The following FBXL5 variants were observed in gnomAD, a reference collection of about 807,000 sequenced individuals.
FBXL5 encodes the protein F-box and leucine rich repeat protein 5, also known as F-box/LRR-repeat protein 5.
In FBXL5, 26 loss-of-function variants were observed where a neutral mutation model predicts 78.3. The ratio of observed to expected loss-of-function variants is 0.33; its 90% CI spans 0.24 to 0.46. The LOEUF (loss-of-function observed/expected upper bound fraction) is 0.46, where lower values mean the gene tolerates loss of function less well. FBXL5 is among the 20% of genes least tolerant of loss of function. The pLI is 1.00. For missense variants in FBXL5, 710 were observed against 829.2 expected (o/e 0.86, Z 1.77); for synonymous variants, 295 against 282.5 (o/e 1.04, Z -0.45).
At chr4:15,637,611 T>C (rs1714422987) in intron 4 of FBXL5, among the ~76,000 whole-genome samples, 3 of 152,282 alleles carry the variant, frequency 2.0e-5, no homozygotes, top group African/African-American at 7.2e-5. Flanking sequence ...TGTGATGCTT[T>C]TAAATCCCAT....
intron 1 of FBXL5, among the ~76,000 whole-genome samples, chr4:15,648,426 G>C (rs1715594106): frequency 1.3e-5 from 2 of 152,158 alleles, no homozygotes; most frequent in Non-Finnish European, 2.9e-5. Context: ...AGAGATATCT[G>C]CACTCCCATG....
intron 1 of FBXL5, among the ~76,000 whole-genome samples, chr4:15,670,315 C>T (rs1025416036): frequency 6.6e-6 from 1 of 152,160 alleles, no homozygotes; most frequent in Non-Finnish European, 1.5e-5. Flanking sequence ...ATGATAGATA[C>T]GTTTAACTTT....
At chr4:15,610,947 A>C (rs1459115829) in intron 10 of FBXL5, among the ~76,000 whole-genome samples, 1 of 152,132 alleles carries the variant, frequency 6.6e-6, no homozygotes, top group Non-Finnish European at 1.5e-5. Flanking sequence ...ATGTTAACAA[A>C]ACTCCGTTCT....
At chr4:15,631,063 C>T (rs1485438903) in intron 5 of FBXL5, among the ~76,000 whole-genome samples, 1 of 152,142 alleles carries the variant, frequency 6.6e-6, no homozygotes. Context: ...CTATCCCTCC[C>T]CCAGTCCCCT....
chr4:15,655,072 T>C, intron 1 of FBXL5, 132 bp downstream of exon 1: 1 of 603,870 alleles, frequency 1.7e-6, no homozygotes, highest in Non-Finnish European at 2.3e-6. Context: ...CGCTGACAGC[T>C]GCGCAGGCGG....
intron 5 of FBXL5, 80 bp downstream of exon 5, chr4:15,636,414 T>C: frequency 8.9e-7 from 1 of 1,120,158 alleles, no homozygotes; most frequent in East Asian, 2.7e-5. Context: ...AGAGTTTCTC[T>C]CTCTGGCCTT....
At chr4:15,614,363 G>A (rs970267281) in intron 9 of FBXL5, among the ~76,000 whole-genome samples, 1 of 152,232 alleles carries the variant, frequency 6.6e-6, no homozygotes, top group African/African-American at 2.4e-5. Context: ...TGGACTCTGT[G>A]AGGGTCCTTG....
intron 7 of FBXL5, among the ~76,000 whole-genome samples, chr4:15,627,254 C>T (rs548015685): frequency 5.3e-5 from 8 of 151,770 alleles, no homozygotes; most frequent in Non-Finnish European, 1.2e-4. Flanking sequence ...TCTGCCTCAG[C>T]CTCCTGAGTA....
chr4:15,665,336 G>A lies in FBXL5; in HGVS notation c.-283-5414C>T, dbSNP rs145633477. 1.2e-3 allele frequency among the ~76,000 whole-genome samples: 184 copies of A among 152,202 alleles called. 2 individuals are homozygous for A. The highest frequency in any genetic ancestry group is 4.0e-3 in the African/African-American group (167 of 41,518). On this transcript the variant is annotated intron_variant, in intron 1 of 4. Transcript: ENST00000507899. ...ATGCGGTGTCAGGCATCTTAGCCAA[G>A]GCAAACTTGAGGTACAGCCATACCC... is the stretch of plus-strand genomic sequence containing the variant.
intron 8 of FBXL5, 85 bp downstream of exon 8, chr4:15,626,787 AT>A (rs2148581585): frequency 2.1e-6 from 2 of 962,548 alleles, no homozygotes; most frequent in Admixed American, 2.5e-5. Context: ...ATAGTAAAAA[AT>A]AATAGTATGA....
intron 6 of FBXL5, among the ~76,000 whole-genome samples, chr4:15,628,444 G>C (rs2148587737): frequency 6.6e-6 from 1 of 152,146 alleles, no homozygotes; most frequent in East Asian, 1.9e-4. Context: ...CTTCTGTAAA[G>C]CTTGGATGTT....
chr4:15,631,280 G>A (rs1416236619), intron 5 of FBXL5, among the ~76,000 whole-genome samples: 1 of 152,218 alleles, frequency 6.6e-6, no homozygotes, highest in Non-Finnish European at 1.5e-5. Context: ...GTATTACATG[G>A]TGTATATGTG....
chr4:15,628,149 T>G, intron 6 of FBXL5, 116 bp from the exon 7 acceptor site: 1 of 999,644 alleles, frequency 1.0e-6, no homozygotes, highest in Non-Finnish European at 1.4e-6. Context: ...TACTTTCTTA[T>G]GTAAACCATC....
chr4:15,614,434 G>C (rs1711565003), intron 9 of FBXL5, among the ~76,000 whole-genome samples: 1 of 152,210 alleles, frequency 6.6e-6, no homozygotes, highest in African/African-American at 2.4e-5. Flanking sequence ...TTTCAAGAAA[G>C]CATCAGCTGC....
At chr4:15,641,977 G>A (rs748342513) in intron 2 of FBXL5, among the ~76,000 whole-genome samples, 2 of 151,578 alleles carry the variant, frequency 1.3e-5, no homozygotes, top group Admixed American at 6.6e-5. Context: ...GCGGTGAGCC[G>A]AGATTGCACC....
chr4:15,652,798 C>T (rs951494660), intron 1 of FBXL5, among the ~76,000 whole-genome samples: 27 of 152,084 alleles, frequency 1.8e-4, no homozygotes, highest in African/African-American at 6.5e-4. Context: ...GCATTCAGAG[C>T]CCAAATTTGT....
intron 4 of FBXL5, 64 bp from the exon 5 acceptor site, chr4:15,636,740 A>G: frequency 2.5e-6 from 3 of 1,221,614 alleles, no homozygotes; most frequent in Non-Finnish European, 3.4e-6. Context: ...AGAAATTACA[A>G]TTACATTTCT....
intron 10 of FBXL5, among the ~76,000 whole-genome samples, chr4:15,610,477 T>C (rs1454085414): frequency 3.3e-5 from 5 of 152,156 alleles, no homozygotes; most frequent in Non-Finnish European, 7.4e-5. Context: ...ACAATTCATT[T>C]ATTTTAAAAA....
chr4:15,646,301 T>C (rs1258334279), intron 1 of FBXL5, among the ~76,000 whole-genome samples: 1 of 152,082 alleles, frequency 6.6e-6, no homozygotes, highest in African/African-American at 2.4e-5. Context: ...AATGTAAAAG[T>C]GATGCTTGGC....
Sources: gnomAD v4.1 joint callset for allele counts (sites outside exome capture counted in the v4.1 genomes callset) on GRCh38, gnomAD v4.1.1 for gene constraint, MANE v1.5 for transcripts, NCBI Gene and HGNC (gene_info 2026-07-23, HGNC 2026-07-21) for gene names.